The following USP40 variants were observed in gnomAD, a reference collection of about 807,000 sequenced individuals.
USP40 encodes ubiquitin carboxyl-terminal hydrolase 40.
A neutral mutation model predicts 166.2 loss-of-function variants in USP40; 143 were observed. That is an observed-to-expected ratio of 0.86 (90% CI 0.75 to 0.99). The LOEUF (loss-of-function observed/expected upper bound fraction) is 0.99. Ranked by LOEUF, USP40 falls within the 50% of genes least tolerant of loss-of-function variation. USP40 has a pLI of 0.00. For missense variants in USP40, 1,444 were observed against 1,479.7 expected (o/e 0.98, Z 0.40); for synonymous variants, 498 against 524.0 (o/e 0.95, Z 0.68).
chr2:233,528,129 C>A (rs751708276), intron 12 of USP40, among the ~76,000 whole-genome samples: 13 of 152,092 alleles, frequency 8.5e-5, no homozygotes, highest in Non-Finnish European at 1.8e-4. Context: ...CATGTGTGTG[C>A]CACCATGCCT....
intron 26 of USP40, 39 bp downstream of exon 26, chr2:233,491,128 C>G: frequency 7.3e-7 from 1 of 1,374,814 alleles, no homozygotes; most frequent in Non-Finnish European, 1.0e-6. Context: ...TGGAAGAAGC[C>G]ACATTACCAC....
At position 233,477,084 on chromosome 2, in the gene USP40, G is replaced by A. The variant is rs1325726151; in HGVS notation, c.*308C>T. On this transcript the variant is annotated 3_prime_UTR_variant, in exon 32 of 32. Transcript: ENST00000678225. ...CTCCATACCTGCGGTTCACGCACACGTTGTGCATTTTCTGGTTAAAAGAAA... is the reference window on the plus strand; with the variant it reads ...CTCCATACCTGCGGTTCACGCACACATTGTGCATTTTCTGGTTAAAAGAAA... 2.6e-6 allele frequency: 1 copy of A among 389,508 alleles called. No homozygotes were observed. Among genetic ancestry groups the A allele is most frequent in the East Asian group, 6.0e-5 (1 of 16,708 alleles). 24.1% of individuals were successfully genotyped at this position (389,508 alleles called of 1,614,324 possible).
intron 6 of USP40, 39 bp from the exon 7 acceptor site, chr2:233,551,558 G>C (rs1468345185): frequency 1.3e-6 from 2 of 1,537,078 alleles, no homozygotes; most frequent in Admixed American, 2.1e-5. Context: ...TTAAAAACAG[G>C]GTTATATAAA....
chr2:233,481,434 T>TA (rs1283345430), intron 30 of USP40, 137 bp from the exon 31 acceptor site: 19 of 751,722 alleles, frequency 2.5e-5, no homozygotes, highest in Admixed American at 3.0e-5. Context: ...AATAACTGAT[T>TA]AAAAAAAATC....
chr2:233,553,130 TATAC>T (rs1177006904), intron 6 of USP40, among the ~76,000 whole-genome samples: 1 of 152,198 alleles, frequency 6.6e-6, no homozygotes, highest in Non-Finnish European at 1.5e-5. Flanking sequence ...ATGGTATTAA[TATAC>T]ATACATAGAC....
chr2:233,504,435 A>T (rs980520430), intron 21 of USP40, among the ~76,000 whole-genome samples: 2 of 152,232 alleles, frequency 1.3e-5, no homozygotes, highest in Non-Finnish European at 2.9e-5. Context: ...CTGAAAGTGA[A>T]GGGATGGAAA....
At chr2:233,516,580 C>T (rs2067212405) in intron 18 of USP40, among the ~76,000 whole-genome samples, 1 of 151,344 alleles carries the variant, frequency 6.6e-6, no homozygotes, top group African/African-American at 2.4e-5. Context: ...CCCAGCTACT[C>T]GAGAGGCTGA....
chr2:233,561,215 G>A, intron 3 of USP40: 2 of 1,563,980 alleles, frequency 1.3e-6, no homozygotes, highest in Non-Finnish European at 1.7e-6. Flanking sequence ...TGGGCCAAGA[G>A]AAAATAAAGT....
chr2:233,489,221 T>C, intron 27 of USP40, 144 bp downstream of exon 27: 1 of 741,468 alleles, frequency 1.3e-6, no homozygotes, highest in Non-Finnish European at 2.3e-6. Context: ...TGATGAAAAG[T>C]GTCACCCAAG....
rs1178199354 is a variant in USP40, at chr2:233,498,530, G to A, written c.2715+18C>T. ...AAATGTAATCATACGAAAGTACAAT[G>A]TATAGAAATCATCTTACTTCTTCAC... On this transcript the variant is annotated intron_variant, in intron 23 of 31. Coordinates refer to ENST00000678225, the MANE Select transcript of USP40 (RefSeq NM_001365479.2). The A allele has an allele frequency of 5.6e-6, 9 of 1,607,998 alleles. No homozygotes were observed. Among genetic ancestry groups the A allele is most frequent in the Non-Finnish European group, 6.8e-6 (8 of 1,176,534 alleles).
At chr2:233,525,731 A>C (rs531798279) in intron 13 of USP40, among the ~76,000 whole-genome samples, 169 bp from the exon 14 acceptor site, 1 of 152,320 alleles carries the variant, frequency 6.6e-6, no homozygotes, top group East Asian at 1.9e-4. Context: ...TCACTTGTTA[A>C]ATTAGTCAAA....
Position 233,523,116 on chromosome 2 carries a change from G to A in USP40, c.2201+54C>T. 2.0e-6 allele frequency: 3 copies of A among 1,525,130 alleles called. No individual in the cohort carries two copies. The South Asian group carries it at 3.8e-5, about 19-fold the overall frequency. 94.5% of individuals were successfully genotyped at this position (1,525,130 alleles called of 1,614,324 possible). ...TAAAGCTTTAGAGTTCTGCTGGGTG[G>A]TACTGTAATTAAAATGACTTTTAGA... On this transcript the variant is annotated intron_variant, in intron 16 of 31. Coordinates refer to ENST00000678225, the MANE Select transcript of USP40 (RefSeq NM_001365479.2).
intron 10 of USP40, among the ~76,000 whole-genome samples, chr2:233,535,365 A>T (rs1396239302): frequency 6.6e-6 from 1 of 152,244 alleles, no homozygotes; most frequent in African/African-American, 2.4e-5. Context: ...CAGATGGTAA[A>T]TATTTTAGAA....
At chr2:233,542,585 G>T in intron 8 of USP40, 1 of 389,846 alleles carries the variant, frequency 2.6e-6, no homozygotes, top group South Asian at 4.0e-5. Context: ...GGTTGAGGCG[G>T]GAGGACTGCT....
intron 23 of USP40, among the ~76,000 whole-genome samples, chr2:233,497,650 T>C (rs1559226930): frequency 6.6e-6 from 1 of 152,240 alleles, no homozygotes; most frequent in African/African-American, 2.4e-5. Flanking sequence ...AATTCTTTGA[T>C]GCCAATTTGG....
At chr2:233,550,629 A>G (rs762004506) in intron 7 of USP40, among the ~76,000 whole-genome samples, 3 of 152,204 alleles carry the variant, frequency 2.0e-5, no homozygotes, top group Non-Finnish European at 4.4e-5. Flanking sequence ...GCTAGCTAAT[A>G]AATGTTCTAT....
intron 16 of USP40, 51 bp downstream of exon 16, chr2:233,523,119 C>T (rs367735273): frequency 1.8e-5 from 28 of 1,540,978 alleles, no homozygotes; most frequent in Non-Finnish European, 2.3e-5. Context: ...CTGGGTGGTA[C>T]TGTAATTAAA....
At chr2:233,507,241 G>A (rs1457756285) in intron 21 of USP40, among the ~76,000 whole-genome samples, 1 of 152,048 alleles carries the variant, frequency 6.6e-6, no homozygotes. Flanking sequence ...AAATTAGTAC[G>A]GCCATTATAG....
intron 3 of USP40, chr2:233,560,995 C>T: frequency 1.2e-6 from 1 of 833,544 alleles, no homozygotes; most frequent in Admixed American, 2.0e-5. Flanking sequence ...TCTCGGAAGG[C>T]AAATTCCATT....
Sources: gnomAD v4.1 joint callset for allele counts (sites outside exome capture counted in the v4.1 genomes callset) on GRCh38, gnomAD v4.1.1 for gene constraint, MANE v1.5 for transcripts, NCBI Gene and HGNC (gene_info 2026-07-23, HGNC 2026-07-21) for gene names.